Variants in REC114 observed in about 807,000 individuals in gnomAD.
The protein encoded by REC114 is REC114 meiotic recombination protein, also known as meiotic recombination protein REC114.
In REC114, 27 loss-of-function variants were observed where a neutral mutation model predicts 31.3. The ratio of observed to expected loss-of-function variants is 0.86; its 90% CI spans 0.64 to 1.19. The LOEUF (loss-of-function observed/expected upper bound fraction) is 1.19, where lower values mean the gene tolerates loss of function less well. Ranked by LOEUF, REC114 falls within the 50% of genes most tolerant of loss-of-function variation. The pLI, the probability that REC114 is intolerant of heterozygous loss-of-function variation, is 0.00. For synonymous variants in REC114, 134 were observed against 127.7 expected, an observed-to-expected ratio of 1.05 and a Z score of -0.33; for missense variants, 344 against 326.9, an observed-to-expected ratio of 1.05 and a Z score of -0.40.
At chr15:73,458,258 T>G (rs1222678212) in intron 1 of REC114, among the ~76,000 whole-genome samples, 1 of 152,198 alleles carries the variant, frequency 6.6e-6, no homozygotes, top group Non-Finnish European at 1.5e-5. Flanking sequence ...CTGGGTCTCA[T>G]TACCATCTTA....
chr15:73,500,009 C>A (rs914275561), intron 2 of REC114, among the ~76,000 whole-genome samples: 1 of 151,614 alleles, frequency 6.6e-6, no homozygotes, highest in African/African-American at 2.4e-5. Flanking sequence ...TTTAGAGTAT[C>A]ATTTTGCAAA....
chr15:73,506,778 G>T (rs1893684034), intron 2 of REC114, among the ~76,000 whole-genome samples: 1 of 152,146 alleles, frequency 6.6e-6, no homozygotes, highest in Non-Finnish European at 1.5e-5. Context: ...AAGATTAAGA[G>T]CAATACAAGT....
At chr15:73,452,485 G>C (rs1892864418) in intron 1 of REC114, among the ~76,000 whole-genome samples, 2 of 152,132 alleles carry the variant, frequency 1.3e-5, no homozygotes, top group Non-Finnish European at 2.9e-5. Flanking sequence ...CAATAAGAGA[G>C]GACAAAAACA....
chr15:73,505,300 CAT>C (rs1428504809), intron 2 of REC114, among the ~76,000 whole-genome samples: 1 of 152,148 alleles, frequency 6.6e-6, no homozygotes, highest in African/African-American at 2.4e-5. Flanking sequence ...CAGTTTCACA[CAT>C]GTGGATTGTT....
chr15:73,541,263 C>A (rs1894234096), intron 3 of REC114, among the ~76,000 whole-genome samples: 1 of 152,096 alleles, frequency 6.6e-6, no homozygotes, highest in Non-Finnish European at 1.5e-5. Flanking sequence ...TGAAATGTAT[C>A]ATTTCCTTCC....
intron 3 of REC114, among the ~76,000 whole-genome samples, chr15:73,550,564 A>G (rs1262084710): frequency 1.3e-5 from 2 of 152,192 alleles, no homozygotes; most frequent in Non-Finnish European, 2.9e-5. Context: ...GAGCAGGACT[A>G]TGCTTGCTGT....
At chr15:73,537,407 C>T (rs1894170800) in intron 2 of REC114, among the ~76,000 whole-genome samples, 2 of 152,124 alleles carry the variant, frequency 1.3e-5, no homozygotes, top group Admixed American at 1.3e-4. Flanking sequence ...CTAAGAGTTG[C>T]TGTTGAGGAG....
chr15:73,504,784 G>A (rs2141310685), intron 2 of REC114, among the ~76,000 whole-genome samples: 1 of 152,168 alleles, frequency 6.6e-6, no homozygotes, highest in Middle Eastern at 3.4e-3. Context: ...AAAAAAAATT[G>A]ACTATTCATG....
At chr15:73,522,373 G>A (rs1326505646) in intron 2 of REC114, among the ~76,000 whole-genome samples, 1 of 152,060 alleles carries the variant, frequency 6.6e-6, no homozygotes, top group African/African-American at 2.4e-5. Flanking sequence ...TAATTTACAT[G>A]CAACGAAAGG....
intron 1 of REC114, among the ~76,000 whole-genome samples, chr15:73,465,978 A>G (rs1893051725): frequency 6.6e-6 from 1 of 151,980 alleles, no homozygotes; most frequent in Non-Finnish European, 1.5e-5. Flanking sequence ...CAGCTTCCTG[A>G]GTAGCTGGGA....
intron 5 of REC114, 72 bp from the exon 6 acceptor site, chr15:73,559,680 T>G: frequency 1.5e-6 from 2 of 1,378,588 alleles, no homozygotes; most frequent in Non-Finnish European, 1.9e-6. Context: ...TAAAGCACTA[T>G]TTGCCTGTGT....
chr15:73,520,232 GTTTT>G (rs1038517105), intron 2 of REC114, among the ~76,000 whole-genome samples: 10 of 151,200 alleles, frequency 6.6e-5, no homozygotes, highest in African/African-American at 2.2e-4. Flanking sequence ...TTCGTTTTGG[GTTTT>G]TTGTTTGTTT....
At chr15:73,551,227 G>A in intron 4 of REC114, 77 bp downstream of exon 4, 1 of 1,351,086 alleles carries the variant, frequency 7.4e-7, no homozygotes, top group East Asian at 2.5e-5. Flanking sequence ...TGACAGTGGA[G>A]TTTGTCAAGT....
chr15:73,533,767 AAT>A (rs1233976334), intron 2 of REC114, among the ~76,000 whole-genome samples: 1 of 145,776 alleles, frequency 6.9e-6, no homozygotes, highest in African/African-American at 2.6e-5. Context: ...CCTATTACAA[AAT>A]TGACCACATA....
chr15:73,473,681 G>A, intron 1 of REC114, 151 bp from the exon 2 acceptor site: 1 of 545,778 alleles, frequency 1.8e-6, no homozygotes, highest in East Asian at 3.1e-5. Flanking sequence ...AGTTGTAAGG[G>A]AAGGGTTACA....
intron 1 of REC114, among the ~76,000 whole-genome samples, chr15:73,472,367 TC>T (rs1595863879): frequency 6.6e-6 from 1 of 152,182 alleles, no homozygotes; most frequent in Non-Finnish European, 1.5e-5. Flanking sequence ...TCTTATTGTA[TC>T]CCCTTTGATA....
At chr15:73,460,338 A>G (rs1892973620) in intron 1 of REC114, among the ~76,000 whole-genome samples, 1 of 152,164 alleles carries the variant, frequency 6.6e-6, no homozygotes, top group African/African-American at 2.4e-5. Context: ...ATTCATTTTT[A>G]GGATTTATTC....
At chr15:73,468,602 A>C (rs1595862927) in intron 1 of REC114, among the ~76,000 whole-genome samples, 1 of 151,760 alleles carries the variant, frequency 6.6e-6, no homozygotes, top group East Asian at 1.9e-4. Context: ...ACAATGTTGA[A>C]TAGAAGTGGT....
intron 2 of REC114, among the ~76,000 whole-genome samples, chr15:73,493,679 G>A (rs1893476724): frequency 1.3e-5 from 2 of 152,068 alleles, no homozygotes. Context: ...TCTGTTCATT[G>A]ATCTAGAAGC....
Sources: allele counts gnomAD v4.1 joint callset (sites outside exome capture counted in the v4.1 genomes callset), GRCh38; gene constraint gnomAD v4.1.1; transcripts MANE v1.5; gene names NCBI Gene and HGNC (gene_info 2026-07-23, HGNC 2026-07-21).